The following GLRA2 variants were observed in gnomAD, a reference collection of about 807,000 sequenced individuals.
The protein encoded by GLRA2 is glycine receptor alpha 2, also known as glycine receptor subunit alpha-2.
In GLRA2, 11 loss-of-function variants were observed where a neutral mutation model predicts 31.6. That is an observed-to-expected ratio of 0.35 (90% CI 0.22 to 0.58). The LOEUF (loss-of-function observed/expected upper bound fraction) is 0.58. GLRA2 is among the 20% of genes least tolerant of loss of function. The pLI, the probability that GLRA2 is intolerant of heterozygous loss-of-function variation, is 0.84. For missense variants in GLRA2, 212 were observed against 351.8 expected (o/e 0.60, Z 3.18); for synonymous variants, 132 against 134.0 (o/e 0.99, Z 0.10).
Position 14,730,202 on chromosome X carries a change from G to A in GLRA2, c.1081-5G>A, listed in dbSNP as rs373622338. ...TCTGTGCTTCCTCTGTCTTTATTCC[G>A]TCAGGAAGAAGACGTTACTCGTGAA... On this transcript the variant is annotated splice_polypyrimidine_tract_variant and splice_region_variant and intron_variant, in intron 8 of 8. Coordinates refer to ENST00000218075, the MANE Select transcript of GLRA2 (RefSeq NM_002063.4). 42 of 1,189,623 alleles carry A rather than the reference G, an allele frequency of 3.5e-5. No homozygotes were observed. The highest frequency in any genetic ancestry group is 2.3e-4 in the African/African-American group (13 of 56,566).
At chrX:14,507,348 T>C in the GLRA2 span, among the ~76,000 whole-genome samples, 4,359 of 112,055 alleles carry the variant, frequency 0.039, 218 homozygotes, top group African/African-American at 0.14. Flanking sequence ...TTTTTAGCCG[T>C]TAAGTGGGAA....
the GLRA2 span, among the ~76,000 whole-genome samples, chrX:14,499,614 C>T: frequency 9.0e-6 from 1 of 111,009 alleles, no homozygotes; most frequent in Non-Finnish European, 1.9e-5. Flanking sequence ...AAACAGAAAA[C>T]CAAATTATCG....
intron 3 of GLRA2, among the ~76,000 whole-genome samples, chrX:14,580,125 C>CA (rs1358083781): frequency 9.0e-6 from 1 of 111,110 alleles, no homozygotes; most frequent in East Asian, 2.8e-4. Flanking sequence ...GTTTTGGGGC[C>CA]AAAATTGGGA....
intron 4 of GLRA2, among the ~76,000 whole-genome samples, chrX:14,601,611 A>G (rs1425647768): frequency 8.9e-6 from 1 of 111,903 alleles, no homozygotes; most frequent in Non-Finnish European, 1.9e-5. Context: ...GATTTAAAAC[A>G]TGTTTTTACA....
the GLRA2 span, among the ~76,000 whole-genome samples, chrX:14,519,486 G>T: frequency 8.9e-6 from 1 of 111,984 alleles, no homozygotes; most frequent in Non-Finnish European, 1.9e-5. Context: ...CTTACACACT[G>T]CCCAGGCCTA....
At chrX:14,451,763 G>A in the GLRA2 span, among the ~76,000 whole-genome samples, 1 of 107,548 alleles carries the variant, frequency 9.3e-6, no homozygotes, top group Non-Finnish European at 1.9e-5. Context: ...AGGCTCAAAG[G>A]AAAGGAGAAA....
chrX:14,626,816 C>T (rs900037315), intron 7 of GLRA2, among the ~76,000 whole-genome samples: 29 of 111,958 alleles, frequency 2.6e-4, no homozygotes, highest in Admixed American at 2.5e-3. Context: ...TGCAGTCACA[C>T]ATAACAAGAG....
At chrX:14,707,695 T>C (rs1380597714) in intron 8 of GLRA2, among the ~76,000 whole-genome samples, 1 of 110,375 alleles carries the variant, frequency 9.1e-6, no homozygotes, top group East Asian at 2.8e-4. Context: ...TGTGTGGAAG[T>C]GTGTGTATGT....
the GLRA2 span, among the ~76,000 whole-genome samples, chrX:14,521,466 C>T: frequency 8.9e-6 from 1 of 111,888 alleles, no homozygotes; most frequent in African/African-American, 3.2e-5. Flanking sequence ...TCAGTGCCCT[C>T]TCCCAGGTTC....
At chrX:14,528,990 C>G (rs1378613723), upstream of GLRA2, among the ~76,000 whole-genome samples, 1 of 111,184 alleles carries the variant, frequency 9.0e-6, no homozygotes, top group Non-Finnish European at 1.9e-5. Flanking sequence ...ATTAAAAAGG[C>G]GAGGAAGGCA....
chrX:14,720,379 T>G (rs2091849737), intron 8 of GLRA2, among the ~76,000 whole-genome samples: 1 of 111,848 alleles, frequency 8.9e-6, no homozygotes, highest in African/African-American at 3.2e-5. Context: ...ATCATGTAAG[T>G]CAAATGAAGC....
At chrX:14,572,092 G>A (rs1233178758) in intron 2 of GLRA2, among the ~76,000 whole-genome samples, 3 of 111,447 alleles carry the variant, frequency 2.7e-5, no homozygotes, top group African/African-American at 9.8e-5. Flanking sequence ...CATGCACTTA[G>A]CACAGTGCAG....
At chrX:14,501,262 TGAAAG>T in the GLRA2 span, among the ~76,000 whole-genome samples, 3 of 111,646 alleles carry the variant, frequency 2.7e-5, no homozygotes, top group African/African-American at 6.5e-5. Flanking sequence ...TGAAGGAACA[TGAAAG>T]GAAAGTGTAT....
chrX:14,591,263 T>C (rs2090142816), intron 4 of GLRA2, among the ~76,000 whole-genome samples: 1 of 111,541 alleles, frequency 9.0e-6, no homozygotes, highest in African/African-American at 3.3e-5. Context: ...ACTCACACCA[T>C]CACAAGATAG....
the GLRA2 span, among the ~76,000 whole-genome samples, chrX:14,480,588 T>G: frequency 8.9e-6 from 1 of 111,795 alleles, no homozygotes; most frequent in Non-Finnish European, 1.9e-5. Context: ...GCGAGCCAGC[T>G]ATCCCCAGCA....
At chrX:14,493,524 CAT>C in the GLRA2 span, among the ~76,000 whole-genome samples, 1 of 102,340 alleles carries the variant, frequency 9.8e-6, no homozygotes. Context: ...TATATACACA[CAT>C]ATATACACAT....
intron 7 of GLRA2, among the ~76,000 whole-genome samples, chrX:14,681,911 A>ATATATATATATATATATATG (rs1569521058): frequency 7.0e-5 from 4 of 56,776 alleles, no homozygotes; most frequent in African/African-American, 3.5e-4. Context: ...AAAAAAAAAA[A>ATATATATATATATATATATG]TATATATATA....
chrX:14,669,075 T>C (rs764563002), intron 7 of GLRA2, among the ~76,000 whole-genome samples: 1 of 112,077 alleles, frequency 8.9e-6, no homozygotes, highest in South Asian at 3.7e-4. Flanking sequence ...CCATTCCAAA[T>C]GGGAAAAATT....
chrX:14,485,731 G>A, the GLRA2 span, among the ~76,000 whole-genome samples: 1 of 111,590 alleles, frequency 9.0e-6, no homozygotes, highest in Non-Finnish European at 1.9e-5. Context: ...GCCATCTTCT[G>A]TCATCTGGAT....
Sources: allele counts gnomAD v4.1 joint callset (sites outside exome capture counted in the v4.1 genomes callset), GRCh38; gene constraint gnomAD v4.1.1; transcripts MANE v1.5; gene names NCBI Gene and HGNC (gene_info 2026-07-23, HGNC 2026-07-21).